The following LDAH variants were observed in gnomAD, a reference collection of about 807,000 sequenced individuals.
LDAH encodes lipid droplet associated hydrolase.
LDAH carries 26 observed loss-of-function variants against 29.6 expected under a neutral mutation model. That is an observed-to-expected ratio of 0.88 (90% CI 0.64 to 1.22). The LOEUF is 1.22. Ranked by LOEUF, LDAH falls within the 50% of genes most tolerant of loss-of-function variation. LDAH has a pLI of 0.00. For synonymous variants in LDAH, 117 were observed against 133.0 expected (o/e 0.88, Z 0.83); for missense variants, 344 against 387.3 (o/e 0.89, Z 0.94).
At chr2:20,780,052 A>C (rs1670084002) in intron 3 of LDAH, among the ~76,000 whole-genome samples, 1 of 151,978 alleles carries the variant, frequency 6.6e-6, no homozygotes. Context: ...GTGGGAGTAC[A>C]CTCTCATCAA....
chr2:20,814,473 A>C (rs1672719995), intron 1 of LDAH, among the ~76,000 whole-genome samples: 1 of 152,138 alleles, frequency 6.6e-6, no homozygotes, highest in Non-Finnish European at 1.5e-5. Context: ...TTTTATTATT[A>C]TTTTTGAGAT....
At position 20,823,064 on chromosome 2, in the gene LDAH, C is replaced by T. The variant is rs992855456; in HGVS notation, c.-30G>A. ...GTCCACCTGGAAGGCTGCCCGCTCT[C>T]CCTGAGGGTCCTGGGAAGGCGGCAC... is the stretch of plus-strand genomic sequence containing the variant. On this transcript the variant is annotated 5_prime_UTR_variant, in exon 1 of 7. Coordinates refer to ENST00000237822, the MANE Select transcript of LDAH (RefSeq NM_021925.4). 1.3e-5 allele frequency: 2 copies of T among 152,380 alleles called. No individual in the cohort carries two copies. Among genetic ancestry groups the T allele is most frequent in the Admixed American group, 6.5e-5 (1 of 15,294 alleles). 9.4% of individuals were successfully genotyped at this position (152,380 alleles called of 1,614,324 possible).
At position 20,781,609 on chromosome 2, in the gene LDAH, G is replaced by C. The variant is rs539669536; in HGVS notation, c.299-6630C>G. Among the ~76,000 whole-genome samples, 3 of 152,338 alleles carry C rather than the reference G, an allele frequency of 2.0e-5. No homozygotes were observed. The East Asian group carries it at 5.8e-4, about 29-fold the overall frequency. On this transcript the variant is annotated intron_variant, in intron 3 of 6. Transcript: ENST00000237822. ...GAGAGCAGAACTGTTCTAGCTGAAT[G>C]GGGGGCTGGTCCAAGGCCCAGAGCC... is the stretch of plus-strand genomic sequence containing the variant.
intron 4 of LDAH, among the ~76,000 whole-genome samples, chr2:20,759,956 A>G (rs1668567776): frequency 6.6e-6 from 1 of 152,196 alleles, no homozygotes; most frequent in African/African-American, 2.4e-5. Context: ...ATGAGATTTG[A>G]ATATGGCAAT....
In LDAH at chr2:20,738,509, C is replaced by T. The variant is rs1242043535; in HGVS notation, c.703+1462G>A. ...TTTTGCTTTGCACTGCAGACTCACC[C>T]TGAATTCTTTCTTGCGCGAGATCCA... On this transcript the variant is annotated intron_variant, in intron 5 of 6. Transcript: ENST00000237822. 5.3e-5 allele frequency among the ~76,000 whole-genome samples: 8 copies of T among 151,964 alleles called. No individual in the cohort carries two copies. In the East Asian group the frequency reaches 1.5e-3, roughly 29 times the overall value.
In LDAH at chr2:20,755,129, T is replaced by TGTG. The variant is rs1668247841; in HGVS notation, c.469-14925_469-14924insCAC. Among the ~76,000 whole-genome samples, 496 of 118,296 alleles carry TGTG rather than the reference T, an allele frequency of 4.2e-3. 6 individuals carry two copies. Among genetic ancestry groups the TGTG allele is most frequent in the African/African-American group, 0.016 (433 of 27,508 alleles). The allele number at this position is 118,296 out of a possible 152,430, so 77.6% of individuals were successfully genotyped here. On this transcript the variant is annotated intron_variant, in intron 4 of 6. Coordinates refer to ENST00000237822, the MANE Select transcript of LDAH (RefSeq NM_021925.4). ...AAGAAGAAATATTGTGTGTCTGTGT[T>TGTG]TGTGTGTGTGTGTGTGTGTGTGTGT...
intron 3 of LDAH, among the ~76,000 whole-genome samples, chr2:20,778,439 A>ACT (rs1669964098): frequency 1.3e-5 from 2 of 152,222 alleles, no homozygotes; most frequent in African/African-American, 4.8e-5. Flanking sequence ...AAAGTTATTA[A>ACT]GCAGTCATTA....
intron 5 of LDAH, among the ~76,000 whole-genome samples, chr2:20,704,598 A>G (rs182470806): frequency 3.3e-5 from 5 of 152,364 alleles, no homozygotes; most frequent in African/African-American, 9.6e-5. Context: ...AAGATACATT[A>G]TGTGTATGGT....
At position 20,685,747 on chromosome 2, in the gene LDAH, A is replaced by C. The variant is rs1449831939; in HGVS notation, c.*1156T>G. ...TTGAGTCAATTTAGGGGAGGCAGCA[A>C]TATTGTCAGCCCACTCTAGGCCAGG... On this transcript the variant is annotated 3_prime_UTR_variant, in exon 7 of 7. Coordinates refer to ENST00000237822, the MANE Select transcript of LDAH (RefSeq NM_021925.4). 6.9e-7 allele frequency: 1 copy of C among 1,455,298 alleles called. No individual in the cohort carries two copies. Among genetic ancestry groups the C allele is most frequent in the African/African-American group, 1.4e-5 (1 of 71,122 alleles). 90.1% of individuals were successfully genotyped at this position (1,455,298 alleles called of 1,614,324 possible). A position where few individuals can be genotyped will look rare whatever the true frequency, so the allele number is the denominator to read the frequency against.
At chr2:20,778,165 C>T (rs1364694502) in intron 3 of LDAH, among the ~76,000 whole-genome samples, 6 of 152,166 alleles carry the variant, frequency 3.9e-5, no homozygotes, top group Admixed American at 2.6e-4. Context: ...TTGTTCTGTA[C>T]TAAGAAAAAT....
chr2:20,760,278 G>T (rs1015563227), intron 4 of LDAH, among the ~76,000 whole-genome samples: 15 of 152,160 alleles, frequency 9.9e-5, no homozygotes, highest in Non-Finnish European at 1.9e-4. Context: ...CTAACTTAGG[G>T]CCACTACTGG....
chr2:20,809,762 A>C (rs16982035), intron 1 of LDAH, among the ~76,000 whole-genome samples: 2,466 of 152,300 alleles, frequency 0.016, 65 homozygotes, highest in African/African-American at 0.056. Context: ...GAGTAAAAGA[A>C]TACTGATACA....
chr2:20,756,302 T>C (rs1668340269), intron 4 of LDAH, among the ~76,000 whole-genome samples: 1 of 152,284 alleles, frequency 6.6e-6, no homozygotes, highest in East Asian at 1.9e-4. Flanking sequence ...TCCAAAGTGC[T>C]GGGATTACAG....
intron 1 of LDAH, among the ~76,000 whole-genome samples, chr2:20,811,493 T>G (rs534037022): frequency 5.3e-5 from 8 of 151,696 alleles, no homozygotes; most frequent in African/African-American, 9.7e-5. Context: ...AGTTTTTTTT[T>G]TTTGTTTTTT....
At chr2:20,772,754 T>C (rs1669517431) in intron 4 of LDAH, among the ~76,000 whole-genome samples, 1 of 152,180 alleles carries the variant, frequency 6.6e-6, no homozygotes, top group Non-Finnish European at 1.5e-5. Context: ...TGAAGTCAGC[T>C]AGACAGGCCG....
chr2:20,811,200 A>G (rs547326721), intron 1 of LDAH, among the ~76,000 whole-genome samples: 1 of 151,752 alleles, frequency 6.6e-6, no homozygotes, highest in Non-Finnish European at 1.5e-5. Flanking sequence ...TTGTATTTTT[A>G]GTAGAGACGG....
intron 5 of LDAH, among the ~76,000 whole-genome samples, chr2:20,706,058 C>A (rs1335588893): frequency 2.0e-5 from 3 of 152,140 alleles, no homozygotes; most frequent in African/African-American, 7.2e-5. Context: ...TTATTTAATT[C>A]ATTTACATTT....
rs1391418630 is a variant in LDAH, at chr2:20,686,984, AG to A, written c.896del (p.Pro299LeufsTer15). On this transcript the variant is annotated frameshift_variant, in exon 7 of 7. Coordinates refer to ENST00000237822, the MANE Select transcript of LDAH (RefSeq NM_021925.4). LOFTEE classifies it low-confidence loss of function (END_TRUNC). ...GGTTAAAATGGGTGATGAAAGCATG[AG>A]GTATGTTTTTCTCACAGAGTCGAAT... Reference protein sequence around the residue: ...GDIRLCEKNIPHAFITHFNQE... With the variant: ...GDIRLCEKNIXHAFITHFNQE... 1 of 1,614,108 alleles carries A rather than the reference AG, an allele frequency of 6.2e-7. No individual in the cohort carries two copies.
At chr2:20,696,373 C>T (rs1449239821) in intron 6 of LDAH, among the ~76,000 whole-genome samples, 1 of 152,196 alleles carries the variant, frequency 6.6e-6, no homozygotes, top group Non-Finnish European at 1.5e-5. Flanking sequence ...TTGCCCCTTT[C>T]CCAAGCCACA....
Sources: gnomAD v4.1 joint callset for allele counts (sites outside exome capture counted in the v4.1 genomes callset) on GRCh38, gnomAD v4.1.1 for gene constraint, MANE v1.5 for transcripts, NCBI Gene and HGNC (gene_info 2026-07-23, HGNC 2026-07-21) for gene names.